Variants in CCSER1 observed in about 807,000 individuals in gnomAD.
CCSER1 encodes serine-rich coiled-coil domain-containing protein 1.
In CCSER1, 41 loss-of-function variants were observed where a neutral mutation model predicts 82.0. The observed-to-expected ratio is 0.50, with a 90% confidence interval of 0.39 to 0.65. The LOEUF is 0.65. Among genes scored for constraint, CCSER1 ranks in the 30% least tolerant of loss-of-function variants. CCSER1 has a pLI of 0.00. For missense variants in CCSER1, 1,119 were observed against 1,064.2 expected (o/e 1.05, Z -0.72); for synonymous variants, 414 against 383.9 (o/e 1.08, Z -0.92).
intron 6 of CCSER1, among the ~76,000 whole-genome samples, chr4:90,690,804 T>C (rs1735688018): frequency 6.6e-6 from 1 of 152,084 alleles, no homozygotes; most frequent in South Asian, 2.1e-4. Context: ...CCATTTGGGA[T>C]TGAATTCCTG....
intron 8 of CCSER1, among the ~76,000 whole-genome samples, chr4:90,910,431 A>G (rs1581037272): frequency 6.6e-6 from 1 of 152,164 alleles, no homozygotes. Context: ...TCCAATTCAT[A>G]TTTTTTATCA....
chr4:90,484,634 C>T (rs1428238223), intron 5 of CCSER1, among the ~76,000 whole-genome samples: 2 of 152,190 alleles, frequency 1.3e-5, no homozygotes, highest in Non-Finnish European at 2.9e-5. Flanking sequence ...TACTGGAGGT[C>T]CACTCCAGAC....
chr4:90,282,446 A>G (rs1264728062), intron 1 of CCSER1, among the ~76,000 whole-genome samples: 2 of 150,690 alleles, frequency 1.3e-5, no homozygotes, highest in Non-Finnish European at 3.0e-5. Context: ...ATATATTTAT[A>G]TATGTATACA....
At chr4:91,043,596 T>G (rs1413914602) in intron 9 of CCSER1, among the ~76,000 whole-genome samples, 1 of 145,784 alleles carries the variant, frequency 6.9e-6, no homozygotes, top group Non-Finnish European at 1.5e-5. Flanking sequence ...TTTTTTTTTT[T>G]TTTTTTTTTT....
At chr4:90,430,385 C>T (rs180770844) in intron 4 of CCSER1, among the ~76,000 whole-genome samples, 1 of 151,958 alleles carries the variant, frequency 6.6e-6, no homozygotes, top group Admixed American at 6.6e-5. Context: ...AGATTTCAGT[C>T]TTTGTAAATG....
At chr4:90,985,727 A>T (rs2150433866) in intron 9 of CCSER1, among the ~76,000 whole-genome samples, 1 of 151,812 alleles carries the variant, frequency 6.6e-6, no homozygotes, top group Admixed American at 6.6e-5. Context: ...AACTGATAAA[A>T]TTTTAATTCG....
At chr4:91,174,835 T>TA (rs1491564285) in intron 10 of CCSER1, among the ~76,000 whole-genome samples, 8 of 144,734 alleles carry the variant, frequency 5.5e-5, no homozygotes, top group Admixed American at 1.4e-4. Context: ...TTTTTTTTTT[T>TA]ATTATACTTT....
chr4:90,902,906 C>T (rs1347736528), intron 8 of CCSER1, among the ~76,000 whole-genome samples: 1 of 151,906 alleles, frequency 6.6e-6, no homozygotes. Flanking sequence ...GGGGATGGTG[C>T]ACTAGCTCCT....
At chr4:90,354,695 C>T (rs1470634339) in intron 3 of CCSER1, among the ~76,000 whole-genome samples, 4 of 152,090 alleles carry the variant, frequency 2.6e-5, no homozygotes, top group Non-Finnish European at 5.9e-5. Flanking sequence ...TTTGATGGTT[C>T]TCGTGCTAGG....
intron 5 of CCSER1, among the ~76,000 whole-genome samples, chr4:90,498,733 C>T (rs996144590): frequency 6.6e-6 from 1 of 152,032 alleles, no homozygotes; most frequent in East Asian, 1.9e-4. Context: ...GTTTTCCATG[C>T]CTCATATTCT....
At chr4:91,509,076 CTCTT>C (rs1480772308) in intron 10 of CCSER1, among the ~76,000 whole-genome samples, 2 of 151,640 alleles carry the variant, frequency 1.3e-5, no homozygotes, top group Non-Finnish European at 2.9e-5. Flanking sequence ...TGTTGCTTTT[CTCTT>C]TCTATTTTAT....
rs536379940 is a variant in CCSER1, at chr4:90,764,905, C to T, written c.2010+40914C>T. On this transcript the variant is annotated intron_variant, in intron 7 of 10. Transcript: ENST00000509176. ...ACTTTAATGGTATTTTACTGTTAAA[C>T]AATATATATTTCTCACCACTTGAAA... is the stretch of plus-strand genomic sequence containing the variant. Among the ~76,000 whole-genome samples, 19 of 152,164 alleles carry T rather than the reference C, an allele frequency of 1.2e-4. No individual in the cohort carries two copies. In the South Asian group the frequency reaches 1.7e-3, roughly 13 times the overall value.
At chr4:91,177,633 GTA>G (rs1206412563) in intron 10 of CCSER1, among the ~76,000 whole-genome samples, 4 of 152,138 alleles carry the variant, frequency 2.6e-5, no homozygotes, top group Admixed American at 6.5e-5. Context: ...TTCTCTGATA[GTA>G]GTTTGTATTT....
chr4:90,180,680 TG>T (rs1204953954), intron 1 of CCSER1, among the ~76,000 whole-genome samples: 1 of 152,176 alleles, frequency 6.6e-6, no homozygotes, highest in African/African-American at 2.4e-5. Context: ...AATCCTATTT[TG>T]AATCACAGAA....
At chr4:90,424,167 G>A (rs953773316) in intron 4 of CCSER1, among the ~76,000 whole-genome samples, 3 of 134,070 alleles carry the variant, frequency 2.2e-5, no homozygotes, top group African/African-American at 1.2e-4. Flanking sequence ...AGGTGTTTTA[G>A]CATTGATTAG....
chr4:90,932,437 G>A (rs1314880380), intron 9 of CCSER1, among the ~76,000 whole-genome samples: 1 of 152,038 alleles, frequency 6.6e-6, no homozygotes, highest in African/African-American at 2.4e-5. Context: ...TTGTTGTATT[G>A]GAAAAGTATA....
At chr4:90,783,161 A>G (rs894292388) in intron 7 of CCSER1, among the ~76,000 whole-genome samples, 2 of 151,870 alleles carry the variant, frequency 1.3e-5, no homozygotes, top group Non-Finnish European at 1.5e-5. Flanking sequence ...AGGCTGGGGG[A>G]TTTCTGGTTT....
chr4:90,878,148 C>A (rs1257707008), intron 8 of CCSER1, among the ~76,000 whole-genome samples: 1 of 152,024 alleles, frequency 6.6e-6, no homozygotes, highest in African/African-American at 2.4e-5. Context: ...TCCTTAATGA[C>A]CTTCTCTTTT....
rs1239123615 is a variant in CCSER1, at chr4:91,600,567, G to C, written c.*1510G>C. The C allele has an allele frequency of 6.6e-6, 1 of 152,108 alleles. No individual in the cohort carries two copies. The highest frequency in any genetic ancestry group is 6.6e-5 in the Admixed American group (1 of 15,242). The allele number at this position is 152,108 out of a possible 1,614,324, so 9.4% of individuals were successfully genotyped here. A position where few individuals can be genotyped will look rare whatever the true frequency, so the allele number is the denominator to read the frequency against. ...GTTTTAGCATGGCATCTGACAACTTGCTTAAATTAAAGCTGTGTGCAAAAT... is the reference window on the plus strand; with the variant it reads ...GTTTTAGCATGGCATCTGACAACTTCCTTAAATTAAAGCTGTGTGCAAAAT... On this transcript the variant is annotated 3_prime_UTR_variant, in exon 11 of 11. Transcript: ENST00000509176.
Sources: gnomAD v4.1 joint callset for allele counts (sites outside exome capture counted in the v4.1 genomes callset) on GRCh38, gnomAD v4.1.1 for gene constraint, MANE v1.5 for transcripts, NCBI Gene and HGNC (gene_info 2026-07-23, HGNC 2026-07-21) for gene names.